Variants in SVOP observed in about 807,000 individuals in gnomAD.
SVOP encodes the protein SV2 related protein.
In SVOP, 17 loss-of-function variants were observed where a neutral mutation model predicts 69.1. The ratio of observed to expected loss-of-function variants is 0.25; its 90% CI spans 0.17 to 0.37. The LOEUF (loss-of-function observed/expected upper bound fraction) is 0.37, where lower values mean the gene tolerates loss of function less well. SVOP is among the 10% of genes least tolerant of loss of function. The pLI, the probability that SVOP is intolerant of heterozygous loss-of-function variation, is 1.00. For missense variants in SVOP, 435 were observed against 597.5 expected (o/e 0.73, Z 2.84); for synonymous variants, 238 against 238.6 (o/e 1.00, Z 0.02).
At chr12:108,949,101 G>T (rs888147499) in intron 6 of SVOP, among the ~76,000 whole-genome samples, 1 of 151,926 alleles carries the variant, frequency 6.6e-6, no homozygotes, top group Non-Finnish European at 1.5e-5. Context: ...TTTTCATTCT[G>T]TTTTTTTGTT....
At chr12:108,946,552 A>G (rs2039924094) in intron 6 of SVOP, among the ~76,000 whole-genome samples, 1 of 151,852 alleles carries the variant, frequency 6.6e-6, no homozygotes, top group Admixed American at 6.6e-5. Flanking sequence ...CAATGGGTCG[A>G]AGCCTGTTAC....
chr12:108,985,607 G>A (rs980820582), intron 1 of SVOP, among the ~76,000 whole-genome samples: 207 of 152,276 alleles, frequency 1.4e-3, no homozygotes, highest in African/African-American at 4.8e-3. Flanking sequence ...AGGAGGTGGA[G>A]GTTGCAGTGA....
chr12:108,981,243 T>C (rs1213246163), intron 2 of SVOP, among the ~76,000 whole-genome samples: 29 of 152,184 alleles, frequency 1.9e-4, no homozygotes, highest in Non-Finnish European at 1.5e-5. Context: ...CACAATCCTA[T>C]GAGTTAAGGC....
intron 4 of SVOP, among the ~76,000 whole-genome samples, chr12:108,974,139 T>C (rs2040094193): frequency 6.6e-6 from 1 of 152,206 alleles, no homozygotes; most frequent in African/African-American, 2.4e-5. Flanking sequence ...CTTTTTTTTA[T>C]GTGAACAAAG....
intron 11 of SVOP, among the ~76,000 whole-genome samples, chr12:108,931,089 G>A (rs936081425): frequency 1.3e-5 from 2 of 152,138 alleles, no homozygotes; most frequent in African/African-American, 4.8e-5. Context: ...GAGGCAATCT[G>A]TGCTCAGTCA....
chr12:108,983,015 T>TATCACCACCATCATCATATCATCATC (rs2040149441), intron 2 of SVOP, among the ~76,000 whole-genome samples: 1 of 141,830 alleles, frequency 7.1e-6, no homozygotes, highest in Non-Finnish European at 1.5e-5. Flanking sequence ...CCATCATCAT[T>TATCACCACCATCATCATATCATCATC]ATCACCACCA....
intron 1 of SVOP, among the ~76,000 whole-genome samples, chr12:108,987,905 C>T (rs148056099): frequency 0.89 from 135,075 of 151,908 alleles, 61,168 homozygotes; most frequent in Non-Finnish European, 0.99. Flanking sequence ...TGATTGTGAT[C>T]GTTGAATGCA....
intron 4 of SVOP, among the ~76,000 whole-genome samples, chr12:108,974,745 T>C (rs547383884): frequency 7.4e-4 from 112 of 151,288 alleles, no homozygotes; most frequent in East Asian, 1.2e-3. Flanking sequence ...AAAAAATACA[T>C]TAAGGTAAAA....
At chr12:108,931,435 A>G (rs142070005) in intron 11 of SVOP, among the ~76,000 whole-genome samples, 75 of 152,310 alleles carry the variant, frequency 4.9e-4, no homozygotes, top group African/African-American at 1.7e-3. Flanking sequence ...AGAGGTTCCC[A>G]CCTCCAGCTG....
intron 1 of SVOP, among the ~76,000 whole-genome samples, chr12:109,015,311 G>A (rs1318074617): frequency 1.3e-5 from 2 of 152,132 alleles, no homozygotes; most frequent in Non-Finnish European, 2.9e-5. Flanking sequence ...GGAAGGACAT[G>A]ATCTGACTTT....
At chr12:108,946,583 C>A (rs1197434676) in intron 6 of SVOP, among the ~76,000 whole-genome samples, 6 of 151,808 alleles carry the variant, frequency 4.0e-5, no homozygotes, top group Admixed American at 1.3e-4. Context: ...CTTAGAAGAG[C>A]TTTTTCCTCC....
chr12:108,915,572 C>T (rs1046749790), intron 15 of SVOP, among the ~76,000 whole-genome samples: 6 of 152,214 alleles, frequency 3.9e-5, no homozygotes, highest in African/African-American at 1.4e-4. Flanking sequence ...TGGCTACTTT[C>T]CAGCTGCATG....
chr12:109,001,735 C>T (rs2040271284), intron 1 of SVOP, among the ~76,000 whole-genome samples: 2 of 148,952 alleles, frequency 1.3e-5, no homozygotes, highest in South Asian at 2.2e-4. Flanking sequence ...ATAAATGGTG[C>T]TGGGAAAACT....
chr12:108,925,177 T>C (rs1236553110), intron 11 of SVOP, among the ~76,000 whole-genome samples: 1 of 152,214 alleles, frequency 6.6e-6, no homozygotes, highest in South Asian at 2.1e-4. Context: ...AATGTACCCC[T>C]GCCTTTAAAA....
chr12:108,987,250 A>C (rs1354843091), intron 1 of SVOP, among the ~76,000 whole-genome samples: 1 of 152,206 alleles, frequency 6.6e-6, no homozygotes, highest in Non-Finnish European at 1.5e-5. Flanking sequence ...TTCAAGGCTC[A>C]TCCAATGTTG....
rs368188548 is a variant in SVOP at position 109,005,364 on chromosome 12, A to G, written c.35+15470T>C. On this transcript the variant is annotated intron_variant, in intron 1 of 15. Transcript: ENST00000610966. ...GTAATTCCTACCTCACAGGGTAGCC[A>G]TGGAGATCATAGGAGTCTATCTATC... 4.2e-4 allele frequency among the ~76,000 whole-genome samples: 64 copies of G among 152,268 alleles called. 1 individual carries two copies. Among genetic ancestry groups the G allele is most frequent in the African/African-American group, 1.3e-3 (56 of 41,560 alleles).
At chr12:109,013,453 C>T (rs7486953) in intron 1 of SVOP, among the ~76,000 whole-genome samples, 142,727 of 151,558 alleles carry the variant, frequency 0.94, 67,810 homozygotes, top group Non-Finnish European at 1. Flanking sequence ...TGCAGTAGCA[C>T]GATCTTTGAT....
Position 108,982,592 on chromosome 12 carries a change from A to G in SVOP, c.196+1009T>C, listed in dbSNP as rs2040143239. Among the ~76,000 whole-genome samples, 3 of 151,352 alleles carry G rather than the reference A, an allele frequency of 2.0e-5. No individual in the cohort carries two copies. In the South Asian group the frequency reaches 6.3e-4, roughly 32 times the overall value. ...CATCTTCACCATTATCATCATCACT[A>G]TCATCACCACTGCCATCCTTATCAC... On this transcript the variant is annotated intron_variant, in intron 2 of 15. Transcript: ENST00000610966.
chr12:108,923,531 C>T (rs1352190389), intron 11 of SVOP, among the ~76,000 whole-genome samples: 2 of 152,098 alleles, frequency 1.3e-5, no homozygotes, highest in Admixed American at 6.5e-5. Flanking sequence ...GACCTCCAGT[C>T]CTGGCTGATG....
Sources: gnomAD v4.1 joint callset for allele counts (sites outside exome capture counted in the v4.1 genomes callset) on GRCh38, gnomAD v4.1.1 for gene constraint, MANE v1.5 for transcripts, NCBI Gene and HGNC (gene_info 2026-07-23, HGNC 2026-07-21) for gene names.